Variants in ANO4 observed in about 807,000 individuals in gnomAD.
ANO4 encodes the protein anoctamin-4.
Under a neutral mutation model 141.9 loss-of-function variants are expected in ANO4, and 69 were observed. The observed-to-expected ratio is 0.49, with a 90% CI of 0.40 to 0.59. The LOEUF (loss-of-function observed/expected upper bound fraction) is 0.59, where lower values mean the gene tolerates loss of function less well. Among genes scored for constraint, ANO4 ranks in the 20% least tolerant of loss-of-function variants. The pLI, the probability that ANO4 is intolerant of heterozygous loss-of-function variation, is 0.00. For missense variants in ANO4, 894 were observed against 1,162.2 expected, an observed-to-expected ratio of 0.77 and a Z score of 3.36; for synonymous variants, 350 against 394.3, an observed-to-expected ratio of 0.89 and a Z score of 1.33.
chr12:100,873,023 T>C (rs1052952546), intron 1 of ANO4, among the ~76,000 whole-genome samples: 9 of 152,210 alleles, frequency 5.9e-5, no homozygotes, highest in Non-Finnish European at 1.2e-4. Flanking sequence ...TCTTCCTCCT[T>C]CTTTGGCCAC....
chr12:100,735,897 A>G (rs2031588945), intron 2 of ANO4, among the ~76,000 whole-genome samples: 1 of 152,232 alleles, frequency 6.6e-6, no homozygotes, highest in South Asian at 2.1e-4. Flanking sequence ...CACTATCTGC[A>G]CAGAGAGTTC....
chr12:101,081,361 G>A (rs982112616), intron 15 of ANO4, among the ~76,000 whole-genome samples: 4 of 151,854 alleles, frequency 2.6e-5, no homozygotes, highest in Admixed American at 1.3e-4. Context: ...CATTGTTGGC[G>A]TTTGTGGTGG....
chr12:100,979,565 T>A (rs1475881329), intron 7 of ANO4, among the ~76,000 whole-genome samples: 1 of 151,952 alleles, frequency 6.6e-6, no homozygotes, highest in Non-Finnish European at 1.5e-5. Flanking sequence ...CTTTGATAAG[T>A]TTCATGGTAG....
chr12:101,066,767 G>A (rs1294773915), intron 14 of ANO4: 25 of 974,594 alleles, frequency 2.6e-5, no homozygotes, highest in Non-Finnish European at 3.5e-5. Context: ...GCAGCAGCAG[G>A]AGGAGGACCA....
intron 1 of ANO4, among the ~76,000 whole-genome samples, chr12:100,727,604 T>G (rs938661842): frequency 6.6e-6 from 1 of 152,152 alleles, no homozygotes; most frequent in African/African-American, 2.4e-5. Flanking sequence ...TTTTTTTTGG[T>G]TGTTGTTTTT....
intron 3 of ANO4, among the ~76,000 whole-genome samples, chr12:100,929,285 A>C (rs2041996467): frequency 6.6e-6 from 1 of 152,104 alleles, no homozygotes; most frequent in African/African-American, 2.4e-5. Flanking sequence ...TCTTCCCAGC[A>C]TATGGTAACC....
At position 100,794,946 on chromosome 12, in the gene ANO4, A is replaced by C. The variant is rs984602274; in HGVS notation, c.-222A>C. On this transcript the variant is annotated 5_prime_UTR_variant, in exon 1 of 28. Coordinates refer to ENST00000392977, the MANE Select transcript of ANO4 (RefSeq NM_001286615.2). ...CCTCCCGACTGGAGCCTGGAGGTTC[A>C]CAGTGGATTTCTTTCTGCCGAAGAC... 4 of 152,652 alleles carry C rather than the reference A, an allele frequency of 2.6e-5. No homozygotes were observed. Among genetic ancestry groups the C allele is most frequent in the Non-Finnish European group, 5.9e-5 (4 of 68,086 alleles). 9.5% of individuals were successfully genotyped at this position (152,652 alleles called of 1,614,324 possible).
chr12:101,119,629 C>A lies in ANO4; in HGVS notation c.2571-891C>A, dbSNP rs951705303. Among the ~76,000 whole-genome samples the A allele has an allele frequency of 2.6e-5, 4 of 152,170 alleles. No homozygotes were observed. The East Asian group carries it at 7.7e-4, about 29-fold the overall frequency. On this transcript the variant is annotated intron_variant, in intron 25 of 27. Transcript: ENST00000392977. ...TAATAGTAAAAAAAGCAAGCCCCAG[C>A]AAACTACATATAGTATAGTACCCTT...
At chr12:101,001,522 T>C (rs2045639505) in intron 8 of ANO4, among the ~76,000 whole-genome samples, 1 of 152,200 alleles carries the variant, frequency 6.6e-6, no homozygotes, top group Non-Finnish European at 1.5e-5. Flanking sequence ...AAGCCAGGGT[T>C]ACCCAGTAAC....
chr12:100,890,928 C>G (rs2040073431), intron 1 of ANO4, among the ~76,000 whole-genome samples: 1 of 152,180 alleles, frequency 6.6e-6, no homozygotes, highest in Non-Finnish European at 1.5e-5. Flanking sequence ...CTAAAAATCC[C>G]TTGTGCTCTG....
At chr12:100,751,055 T>C (rs2032352517) in intron 3 of ANO4, among the ~76,000 whole-genome samples, 1 of 152,130 alleles carries the variant, frequency 6.6e-6, no homozygotes, top group Admixed American at 6.6e-5. Context: ...GGGACAGTCC[T>C]TCAACATTGT....
chr12:100,821,723 G>A (rs2036064263), intron 1 of ANO4, among the ~76,000 whole-genome samples: 3 of 151,926 alleles, frequency 2.0e-5, no homozygotes, highest in African/African-American at 4.8e-5. Flanking sequence ...GATGCAAAAC[G>A]CCATAATTTA....
intron 8 of ANO4, among the ~76,000 whole-genome samples, chr12:100,989,846 G>A (rs1031581553): frequency 6.8e-6 from 1 of 147,104 alleles, no homozygotes; most frequent in Admixed American, 6.8e-5. Flanking sequence ...ATGGATGGTT[G>A]GGTATACACA....
chr12:101,028,259 C>T (rs913183908), intron 9 of ANO4, among the ~76,000 whole-genome samples: 3 of 152,228 alleles, frequency 2.0e-5, no homozygotes, highest in African/African-American at 7.2e-5. Flanking sequence ...CCCAAAAGGA[C>T]AGAGTTTCTC....
At chr12:100,975,851 T>C (rs753192754) in intron 7 of ANO4, among the ~76,000 whole-genome samples, 7 of 149,160 alleles carry the variant, frequency 4.7e-5, no homozygotes, top group Non-Finnish European at 7.4e-5. Context: ...AGTGGGGTCC[T>C]CCTATGTTAG....
At chr12:100,931,147 T>A (rs1440494086) in intron 3 of ANO4, among the ~76,000 whole-genome samples, 3 of 152,322 alleles carry the variant, frequency 2.0e-5, no homozygotes, top group African/African-American at 7.2e-5. Context: ...ATAATGAGCA[T>A]CTAGAGAGTC....
intron 27 of ANO4, among the ~76,000 whole-genome samples, chr12:101,127,554 C>G (rs1334100399): frequency 2.0e-5 from 3 of 152,136 alleles, no homozygotes; most frequent in African/African-American, 7.2e-5. Flanking sequence ...TCTTCTGGCC[C>G]CACCACTACT....
At chr12:100,744,871 C>T (rs898945344) in intron 3 of ANO4, among the ~76,000 whole-genome samples, 3 of 152,018 alleles carry the variant, frequency 2.0e-5, no homozygotes, top group Admixed American at 6.6e-5. Flanking sequence ...CTTCCATGAC[C>T]ATAGTTTAGC....
chr12:100,929,614 T>C (rs1471663881), intron 3 of ANO4, among the ~76,000 whole-genome samples: 1 of 152,158 alleles, frequency 6.6e-6, no homozygotes, highest in Non-Finnish European at 1.5e-5. Flanking sequence ...TTTCCTTTCT[T>C]TGGGGTATAT....
Sources: allele counts gnomAD v4.1 joint callset (sites outside exome capture counted in the v4.1 genomes callset), GRCh38; gene constraint gnomAD v4.1.1; transcripts MANE v1.5; gene names NCBI Gene and HGNC (gene_info 2026-07-23, HGNC 2026-07-21).